WDR49: variants seen among roughly 807,000 people sequenced by gnomAD.
WDR49 encodes WD repeat domain 49.
A neutral mutation model predicts 119.5 loss-of-function variants in WDR49; 107 were observed. The ratio of observed to expected loss-of-function variants is 0.90; its 90% CI spans 0.77 to 1.05. WDR49 has a LOEUF of 1.05. WDR49 is among the 50% of genes least tolerant of loss of function. The probability of loss-of-function intolerance (pLI) is 0.00; values close to 1 mark genes in which losing one functional copy is unlikely to be tolerated. For missense variants in WDR49, 1,240 were observed against 1,220.5 expected, an observed-to-expected ratio of 1.02 and a Z score of -0.24; for synonymous variants, 425 against 418.8, an observed-to-expected ratio of 1.01 and a Z score of -0.18.
intron 7 of WDR49, among the ~76,000 whole-genome samples, chr3:167,587,328 A>G (rs1225090913): frequency 6.6e-6 from 1 of 152,194 alleles, no homozygotes; most frequent in African/African-American, 2.4e-5. Context: ...TAACTAGGGC[A>G]TCATAAAAGG....
intron 7 of WDR49, among the ~76,000 whole-genome samples, chr3:167,601,732 C>A (rs576898307): frequency 2.4e-4 from 36 of 152,176 alleles, no homozygotes; most frequent in African/African-American, 6.3e-4. Context: ...TTCTAATTAA[C>A]TGAGTCTCTT....
chr3:167,522,673 A>C (rs1380420908), intron 15 of WDR49, among the ~76,000 whole-genome samples, 189 bp from the exon 16 acceptor site: 1 of 152,184 alleles, frequency 6.6e-6, no homozygotes, highest in African/African-American at 2.4e-5. Context: ...GTTTCATGTA[A>C]CTTTAATAAA....
intron 2 of WDR49, among the ~76,000 whole-genome samples, chr3:167,646,315 C>T (rs1718127055): frequency 6.6e-6 from 1 of 152,144 alleles, no homozygotes; most frequent in Non-Finnish European, 1.5e-5. Flanking sequence ...AGGTCTTAGA[C>T]TAGAGTGAAG....
intron 10 of WDR49, among the ~76,000 whole-genome samples, chr3:167,550,799 G>T (rs1712513715): frequency 6.8e-6 from 1 of 146,726 alleles, no homozygotes. Flanking sequence ...GAGAGAGAGA[G>T]CTTTAAATAT....
intron 16 of WDR49, among the ~76,000 whole-genome samples, chr3:167,508,790 T>G (rs1477783580): frequency 6.6e-6 from 1 of 152,202 alleles, no homozygotes; most frequent in African/African-American, 2.4e-5. Context: ...AGATTGTTGG[T>G]GAAAGTAGAC....
Position 167,602,156 on chromosome 3 carries a change from T to G in WDR49, c.1246A>C (p.Lys416Gln). The G allele has an allele frequency of 6.3e-7, 1 of 1,599,630 alleles. No individual in the cohort carries two copies. Among genetic ancestry groups the G allele is most frequent in the South Asian group, 1.1e-5 (1 of 89,116 alleles). Residue 416 changes from lysine to glutamine, a missense_variant, in exon 7 of 19, where the codon AAA (lysine) becomes CAA (glutamine). Lys to Gln is a moderately conservative substitution (Grantham distance 53). Coordinates refer to ENST00000682715, the MANE Select transcript of WDR49 (RefSeq NM_001366157.1). ...TCCTTGGAGAAGCTGAAAAGTTGTT[T>G]TCTTTCCACAAAGAATTGGACGGCT... ...VIAVQFFVER[K>Q]QLFSFSKDKV... is the part of the protein sequence containing the mutation.
rs34500965 is a variant in WDR49, at chr3:167,482,750, T to C, written c.3032-3754A>G. 5.5e-3 allele frequency among the ~76,000 whole-genome samples: 825 copies of C among 150,348 alleles called. 2 individuals are homozygous for C. The highest frequency in any genetic ancestry group is 9.0e-3 in the Non-Finnish European group (613 of 67,798). The stretch of plus-strand genomic sequence containing the variant: ...AAAAAAATAACTTGCTGGTGATCAC[T>C]GAATGTATTTAAGTGCAGAAGTAAA... On this transcript the variant is annotated intron_variant, in intron 18 of 18. Transcript: ENST00000682715.
rs554537687 is a variant in WDR49 at position 167,503,348 on chromosome 3, C to T, written c.2884+1959G>A. 2.0e-5 allele frequency among the ~76,000 whole-genome samples: 3 copies of T among 152,338 alleles called. No individual in the cohort carries two copies. In the East Asian group the frequency reaches 5.8e-4, roughly 29 times the overall value. ...ACAGTGCTAGTGTTACTGGGGTGTCCTTGCTCCCAGAGCTCCCAAGATGGT... is the reference window on the plus strand; with the variant it reads ...ACAGTGCTAGTGTTACTGGGGTGTCTTTGCTCCCAGAGCTCCCAAGATGGT... On this transcript the variant is annotated intron_variant, in intron 17 of 18. Transcript: ENST00000682715.
At chr3:167,484,111 A>G (rs1250872679) in intron 18 of WDR49, among the ~76,000 whole-genome samples, 1 of 152,182 alleles carries the variant, frequency 6.6e-6, no homozygotes, top group Non-Finnish European at 1.5e-5. Flanking sequence ...TTCTTGATGT[A>G]TTAAGTTGCC....
At chr3:167,602,438 G>C (rs1295051165) in intron 6 of WDR49, among the ~76,000 whole-genome samples, 163 bp from the exon 7 acceptor site, 1 of 152,142 alleles carries the variant, frequency 6.6e-6, no homozygotes, top group Non-Finnish European at 1.5e-5. Flanking sequence ...CAGGCTAATA[G>C]AGCATGAGTT....
intron 17 of WDR49, among the ~76,000 whole-genome samples, chr3:167,501,142 A>C (rs1751546446): frequency 1.3e-5 from 2 of 152,120 alleles, no homozygotes; most frequent in South Asian, 4.1e-4. Context: ...CATAATTTAC[A>C]TTTCTAATAA....
chr3:167,593,438 T>A lies in WDR49; in HGVS notation c.1275+8689A>T, dbSNP rs1289794787. Among the ~76,000 whole-genome samples, 5 of 151,970 alleles carry A rather than the reference T, an allele frequency of 3.3e-5. No homozygotes were observed. In the East Asian group the frequency reaches 9.7e-4, roughly 30 times the overall value. On this transcript the variant is annotated intron_variant, in intron 7 of 18. Coordinates refer to ENST00000682715, the MANE Select transcript of WDR49 (RefSeq NM_001366157.1). The stretch of plus-strand genomic sequence containing the variant: ...TCAATTCCATTTTTCAACTTTAGAA[T>A]TTCTGCTTGATTTTTTTAACAATGT...
intron 7 of WDR49, among the ~76,000 whole-genome samples, chr3:167,581,018 G>C (rs879634005): frequency 2.6e-5 from 4 of 152,000 alleles, no homozygotes; most frequent in Non-Finnish European, 5.9e-5. Context: ...CTGAGAACTT[G>C]TGATATCTGT....
At chr3:167,520,846 A>C (rs1177496483) in intron 16 of WDR49, among the ~76,000 whole-genome samples, 1 of 152,098 alleles carries the variant, frequency 6.6e-6, no homozygotes, top group Non-Finnish European at 1.5e-5. Flanking sequence ...TTAAGATATA[A>C]ACAAAGGATG....
rs553031518 is a variant in WDR49, at chr3:167,614,095, T to C, written c.958+6334A>G. Among the ~76,000 whole-genome samples the C allele has an allele frequency of 5.5e-4, 83 of 152,166 alleles. No homozygotes were observed. The South Asian group carries it at 5.6e-3, about 10-fold the overall frequency. On this transcript the variant is annotated intron_variant, in intron 5 of 18. Transcript: ENST00000682715. The stretch of plus-strand genomic sequence containing the variant: ...TTTCATGCTCATTCTTTCTTTCTTG[T>C]CCCCCCTCCTGCGTCCCGCGATGGA...
At chr3:167,538,728 C>A (rs1711615050) in intron 10 of WDR49, among the ~76,000 whole-genome samples, 1 of 152,142 alleles carries the variant, frequency 6.6e-6, no homozygotes, top group Admixed American at 6.6e-5. Context: ...TAAGGCATTA[C>A]TGATCAACTG....
At chr3:167,540,263 A>G (rs1037208263) in intron 10 of WDR49, among the ~76,000 whole-genome samples, 1 of 152,166 alleles carries the variant, frequency 6.6e-6, no homozygotes, top group African/African-American at 2.4e-5. Flanking sequence ...AAATATATCT[A>G]CAAGGACTCT....
At chr3:167,569,672 G>A (rs969903585) in intron 8 of WDR49, among the ~76,000 whole-genome samples, 1 of 144,062 alleles carries the variant, frequency 6.9e-6, no homozygotes, top group Admixed American at 6.8e-5. Context: ...ACTCCAGCCT[G>A]GACACAGCAA....
chr3:167,529,220 T>C lies in WDR49; in HGVS notation c.2238A>G (p.Ser746=). Residue 746 remains serine, a synonymous_variant, in exon 14 of 19, where the codon TCA becomes TCG. Coordinates refer to ENST00000682715, the MANE Select transcript of WDR49 (RefSeq NM_001366157.1). The part of the protein sequence containing the change: ...TAVTGGANLV[S]CGGSGYVRFW... ...ATCTGACATAACCAGATCCTCCACA[T>C]GATACCAGGTTAGCTCCTCCTAACA... 1 of 1,599,228 alleles carries C rather than the reference T, an allele frequency of 6.3e-7. No individual in the cohort carries two copies. Among genetic ancestry groups the C allele is most frequent in the South Asian group, 1.1e-5 (1 of 87,982 alleles).
Sources: allele counts gnomAD v4.1 joint callset (sites outside exome capture counted in the v4.1 genomes callset), GRCh38; gene constraint gnomAD v4.1.1; transcripts MANE v1.5; gene names NCBI Gene and HGNC (gene_info 2026-07-23, HGNC 2026-07-21).